Variants in KIF16B observed in about 807,000 individuals in gnomAD.
KIF16B encodes kinesin family member 16B, also known as kinesin-like protein KIF16B.
Under a neutral mutation model 156.3 loss-of-function variants are expected in KIF16B, and 98 were observed. The ratio of observed to expected loss-of-function variants is 0.63; its 90% CI spans 0.53 to 0.74. The LOEUF (loss-of-function observed/expected upper bound fraction) is 0.74, where lower values mean the gene tolerates loss of function less well. Ranked by LOEUF, KIF16B falls within the 30% of genes least tolerant of loss-of-function variation. KIF16B has a pLI of 0.00. For synonymous variants in KIF16B, 564 were observed against 583.7 expected (o/e 0.97, Z 0.49); for missense variants, 1,421 against 1,606.5 (o/e 0.88, Z 1.97).
chr20:16,547,762 C>A (rs1304299193), intron 1 of KIF16B, among the ~76,000 whole-genome samples: 3 of 152,180 alleles, frequency 2.0e-5, no homozygotes, highest in Non-Finnish European at 4.4e-5. Flanking sequence ...TTGCTGTCAT[C>A]CAGGAAACAT....
At chr20:16,450,069 T>A (rs1459604345) in intron 12 of KIF16B, among the ~76,000 whole-genome samples, 1 of 152,302 alleles carries the variant, frequency 6.6e-6, no homozygotes, top group Non-Finnish European at 1.5e-5. Flanking sequence ...GGTACAAGAA[T>A]GGCAAACATA....
At chr20:16,483,848 C>T (rs959941081) in intron 12 of KIF16B, among the ~76,000 whole-genome samples, 6 of 152,272 alleles carry the variant, frequency 3.9e-5, no homozygotes, top group East Asian at 1.9e-4. Context: ...GCTCACAAGA[C>T]GTAGAAATCC....
chr20:16,311,838 A>C (rs1467056120), intron 25 of KIF16B, among the ~76,000 whole-genome samples: 1 of 152,238 alleles, frequency 6.6e-6, no homozygotes, highest in Non-Finnish European at 1.5e-5. Flanking sequence ...CACTTGTGTT[A>C]AACCAGAGTT....
chr20:16,513,667 A>G (rs1334952198), intron 4 of KIF16B, among the ~76,000 whole-genome samples: 1 of 148,572 alleles, frequency 6.7e-6, no homozygotes, highest in Non-Finnish European at 1.5e-5. Context: ...TTTAAAAAAA[A>G]AAAAAAAAAA....
chr20:16,505,208 T>C (rs2068738639), intron 9 of KIF16B, among the ~76,000 whole-genome samples: 2 of 152,226 alleles, frequency 1.3e-5, no homozygotes, highest in South Asian at 4.1e-4. Context: ...AAGTCCTGAC[T>C]TCTCCCAAAC....
chr20:16,463,677 T>C (rs1297056313), intron 12 of KIF16B, among the ~76,000 whole-genome samples: 1 of 152,204 alleles, frequency 6.6e-6, no homozygotes, highest in Non-Finnish European at 1.5e-5. Flanking sequence ...GTATGAGTGA[T>C]AGTCTTCTGA....
At chr20:16,305,204 C>A (rs563033950) in intron 25 of KIF16B, among the ~76,000 whole-genome samples, 1 of 151,982 alleles carries the variant, frequency 6.6e-6, no homozygotes, top group Non-Finnish European at 1.5e-5. Context: ...ATTGTTCTCC[C>A]GTGGACCACA....
intron 15 of KIF16B, among the ~76,000 whole-genome samples, chr20:16,409,365 G>C (rs2065864451): frequency 6.6e-6 from 1 of 151,972 alleles, no homozygotes; most frequent in Admixed American, 6.6e-5. Flanking sequence ...ACCAACATAA[G>C]GCTTGAGAAG....
intron 23 of KIF16B, among the ~76,000 whole-genome samples, chr20:16,343,015 T>C (rs377686428): frequency 1.3e-5 from 2 of 152,088 alleles, no homozygotes; most frequent in Non-Finnish European, 2.9e-5. Context: ...GGGCATGAAA[T>C]GGGGTGCTGA....
At chr20:16,512,340 TA>T (rs1348306255) in intron 5 of KIF16B, among the ~76,000 whole-genome samples, 1 of 152,160 alleles carries the variant, frequency 6.6e-6, no homozygotes, top group East Asian at 1.9e-4. Flanking sequence ...CAAGTAGGTG[TA>T]AAAATCCTAT....
At chr20:16,440,333 CA>C (rs1292370569) in intron 12 of KIF16B, among the ~76,000 whole-genome samples, 1 of 152,058 alleles carries the variant, frequency 6.6e-6, no homozygotes, top group African/African-American at 2.4e-5. Flanking sequence ...GAAGTGAATA[CA>C]GGAATTTTAA....
At chr20:16,534,036 G>A (rs2069857499) in intron 1 of KIF16B, among the ~76,000 whole-genome samples, 1 of 152,164 alleles carries the variant, frequency 6.6e-6, no homozygotes, top group Admixed American at 6.5e-5. Context: ...TGAGGTGGGT[G>A]GATCACAGGT....
chr20:16,553,185 C>G, intron 1 of KIF16B, among the ~76,000 whole-genome samples: 1 of 152,194 alleles, frequency 6.6e-6, no homozygotes, highest in East Asian at 1.9e-4. Flanking sequence ...AGCCTGGGGT[C>G]TCTGTACGCT....
At chr20:16,492,555 A>G (rs1040702406) in intron 12 of KIF16B, among the ~76,000 whole-genome samples, 7 of 152,222 alleles carry the variant, frequency 4.6e-5, no homozygotes, top group African/African-American at 1.7e-4. Context: ...TTAAAAAAGC[A>G]TTGGAATTGG....
intron 25 of KIF16B, among the ~76,000 whole-genome samples, chr20:16,303,888 T>C (rs2063505766): frequency 6.6e-6 from 1 of 152,202 alleles, no homozygotes; most frequent in Non-Finnish European, 1.5e-5. Flanking sequence ...AGAATACATT[T>C]GAGCTGAGGG....
intron 4 of KIF16B, among the ~76,000 whole-genome samples, chr20:16,514,321 G>C (rs1299948182): frequency 6.6e-6 from 1 of 152,012 alleles, no homozygotes; most frequent in Non-Finnish European, 1.5e-5. Context: ...TTTCGGAGAA[G>C]ACTTCCCGAA....
chr20:16,518,187 G>T (rs981214899), intron 3 of KIF16B, among the ~76,000 whole-genome samples: 2 of 152,102 alleles, frequency 1.3e-5, no homozygotes, highest in Non-Finnish European at 2.9e-5. Flanking sequence ...CAAACTTGGC[G>T]CTATGACCTG....
In KIF16B at chr20:16,507,957, C is replaced by T. The variant is rs147318741; in HGVS notation, c.699+1G>A. 6.2e-7 allele frequency: 1 copy of T among 1,614,106 alleles called. No individual in the cohort carries two copies. Among genetic ancestry groups the T allele is most frequent in the Non-Finnish European group, 8.5e-7 (1 of 1,179,988 alleles). Reference sequence around the variant, plus strand: ...CCAGCTGGTCCCGCAGCAGCCCTTACCTGAGTGAACTTGATGGTGAAGATG... The same window carrying T: ...CCAGCTGGTCCCGCAGCAGCCCTTATCTGAGTGAACTTGATGGTGAAGATG... On this transcript the variant is annotated splice_donor_variant, in intron 7 of 25. Transcript: ENST00000354981. LOFTEE classifies it high-confidence loss of function.
In KIF16B at chr20:16,430,065, T is replaced by C. The variant is rs1256851409; in HGVS notation, c.1303-83A>G. On this transcript the variant is annotated intron_variant, in intron 12 of 25. Transcript: ENST00000354981. The stretch of plus-strand genomic sequence containing the variant: ...TTAGGTGTTCTTCAGATTGTCAGAA[T>C]GGGCAATATTTTATTTCTCATCTAA... 1.9e-5 allele frequency: 25 copies of C among 1,334,782 alleles called. 1 individual carries two copies. The highest frequency in any genetic ancestry group is 2.2e-5 in the Non-Finnish European group (22 of 991,374). 82.7% of individuals were successfully genotyped at this position (1,334,782 alleles called of 1,614,324 possible). A position where few individuals can be genotyped will look rare whatever the true frequency, so the allele number is the denominator to read the frequency against.
Sources: gnomAD v4.1 joint callset for allele counts (sites outside exome capture counted in the v4.1 genomes callset) on GRCh38, gnomAD v4.1.1 for gene constraint, MANE v1.5 for transcripts, NCBI Gene and HGNC (gene_info 2026-07-23, HGNC 2026-07-21) for gene names.